Variants in DIAPH2 observed in about 807,000 individuals in gnomAD.
DIAPH2 encodes the protein protein diaphanous homolog 2.
In DIAPH2, 35 loss-of-function variants were observed where a neutral mutation model predicts 92.7. That is an observed-to-expected ratio of 0.38 (90% CI 0.29 to 0.50). The LOEUF (loss-of-function observed/expected upper bound fraction) is 0.50. DIAPH2 is among the 20% of genes least tolerant of loss of function. DIAPH2 has a pLI of 0.94. For synonymous variants in DIAPH2, 301 were observed against 280.4 expected, an observed-to-expected ratio of 1.07 and a Z score of -0.73; for missense variants, 701 against 819.5, an observed-to-expected ratio of 0.86 and a Z score of 1.77.
At chrX:96,944,185 TC>T (rs2065723911) in intron 13 of DIAPH2, among the ~76,000 whole-genome samples, 1 of 111,641 alleles carries the variant, frequency 9.0e-6, no homozygotes, top group African/African-American at 3.2e-5. Flanking sequence ...CTTTCATAAA[TC>T]AGATCGTATC....
intron 24 of DIAPH2, among the ~76,000 whole-genome samples, chrX:97,375,880 C>T (rs1301270934): frequency 9.0e-6 from 1 of 111,554 alleles, no homozygotes; most frequent in Non-Finnish European, 1.9e-5. Flanking sequence ...GGAAAAGTAT[C>T]AGAAAGCTTA....
At position 97,604,191 on chromosome X, in the gene DIAPH2, C is replaced by T. The variant is rs1422275723; in HGVS notation, c.*4874C>T. On this transcript the variant is annotated 3_prime_UTR_variant, in exon 27 of 27. Coordinates refer to ENST00000324765, the MANE Select transcript of DIAPH2 (RefSeq NM_006729.5). ...TTGGTTTGTGACTGCATCTCCCTCT[C>T]CTCTGTCTTCACATCACTTCCCCTC... The T allele has an allele frequency of 2.7e-5, 3 of 111,900 alleles. No individual in the cohort carries two copies. Among genetic ancestry groups the T allele is most frequent in the Non-Finnish European group, 3.8e-5 (2 of 53,117 alleles). The allele number at this position is 111,900 out of a possible 1,213,427, so 9.2% of individuals were successfully genotyped here. A position where few individuals can be genotyped will look rare whatever the true frequency, so the allele number is the denominator to read the frequency against.
At chrX:96,952,820 T>A (rs1241878741) in intron 15 of DIAPH2, among the ~76,000 whole-genome samples, 1 of 110,597 alleles carries the variant, frequency 9.0e-6, no homozygotes, top group Non-Finnish European at 1.9e-5. Flanking sequence ...AGTAGAACAT[T>A]TATATTAATA....
At chrX:97,481,890 A>G (rs891050021) in intron 26 of DIAPH2, among the ~76,000 whole-genome samples, 3 of 112,228 alleles carry the variant, frequency 2.7e-5, no homozygotes, top group African/African-American at 9.7e-5. Flanking sequence ...TGACTAAATG[A>G]AGACAATATA....
intron 19 of DIAPH2, among the ~76,000 whole-genome samples, chrX:97,086,327 T>C (rs2066782604): frequency 8.9e-6 from 1 of 111,738 alleles, no homozygotes; most frequent in Non-Finnish European, 1.9e-5. Context: ...ATACAGTATA[T>C]AGAACCTAAA....
chrX:97,022,641 A>T (rs939408167), intron 17 of DIAPH2, among the ~76,000 whole-genome samples: 1 of 112,393 alleles, frequency 8.9e-6, no homozygotes, highest in Non-Finnish European at 1.9e-5. Context: ...TGGAAAAAAA[A>T]ATTGTATACA....
chrX:97,367,858 A>G (rs985369678), intron 24 of DIAPH2, among the ~76,000 whole-genome samples: 9 of 110,862 alleles, frequency 8.1e-5, no homozygotes, highest in Non-Finnish European at 1.5e-4. Flanking sequence ...GCTCGCCACC[A>G]GGCCCAGCTA....
chrX:96,939,596 GTATATACACACACACACACA>G (rs1196049224), intron 12 of DIAPH2, among the ~76,000 whole-genome samples: 1 of 37,163 alleles, frequency 2.7e-5, no homozygotes, highest in Non-Finnish European at 7.2e-5. Context: ...GTGTGTGTGT[GTATATACACACACACACACA>G]TATACACACA....
chrX:97,597,817 G>A (rs1349297520), intron 26 of DIAPH2, among the ~76,000 whole-genome samples: 9 of 111,150 alleles, frequency 8.1e-5, no homozygotes, highest in Non-Finnish European at 1.7e-4. Context: ...ATTTTTTAAT[G>A]GTATCTTCAA....
chrX:96,962,290 TATATATATACATATATATATAC>T (rs1348989316), intron 16 of DIAPH2, among the ~76,000 whole-genome samples: 8 of 60,921 alleles, frequency 1.3e-4, no homozygotes, highest in African/African-American at 3.5e-4. Flanking sequence ...TATATACATA[TATATATATACATATATATATAC>T]ATATATATAT....
At chrX:96,972,966 A>C (rs1222639636) in intron 17 of DIAPH2, among the ~76,000 whole-genome samples, 1 of 111,485 alleles carries the variant, frequency 9.0e-6, no homozygotes, top group African/African-American at 3.3e-5. Flanking sequence ...ACAAAGTAGA[A>C]AAGTCATCTA....
intron 17 of DIAPH2, among the ~76,000 whole-genome samples, chrX:97,064,598 C>T (rs775940924): frequency 1.8e-5 from 2 of 110,670 alleles, no homozygotes; most frequent in Non-Finnish European, 3.8e-5. Context: ...GCACCTCCTG[C>T]AGCAATCACC....
intron 25 of DIAPH2, among the ~76,000 whole-genome samples, chrX:97,390,208 CTTTTTTTTTTT>C (rs142044871): frequency 1.5e-4 from 5 of 33,176 alleles, no homozygotes; most frequent in African/African-American, 2.5e-4. Flanking sequence ...TGCTTTCTGT[CTTTTTTTTTTT>C]TTTTTTTTTT....
intron 21 of DIAPH2, among the ~76,000 whole-genome samples, chrX:97,118,597 A>G (rs779782880): frequency 1.8e-5 from 2 of 112,169 alleles, no homozygotes; most frequent in South Asian, 7.6e-4. Context: ...AGAAACCTCA[A>G]GAAGCTTGTG....
rs1011295854 is a variant in DIAPH2 at position 97,189,966 on chromosome X, G to A, written c.2719+48172G>A. On this transcript the variant is annotated intron_variant, in intron 22 of 26. Transcript: ENST00000324765. ...GTTAAGTTGTATCCTACGTGCATGA[G>A]TGTTTTGGCTCAGGAGAAAAACTCT... Among the ~76,000 whole-genome samples, 3 of 113,233 alleles carry A rather than the reference G, an allele frequency of 2.6e-5. No individual in the cohort carries two copies. In the Admixed American group the frequency reaches 2.8e-4, roughly 10 times the overall value.
intron 23 of DIAPH2, among the ~76,000 whole-genome samples, chrX:97,268,064 A>T (rs2068352659): frequency 8.9e-6 from 1 of 112,191 alleles, no homozygotes; most frequent in Non-Finnish European, 1.9e-5. Flanking sequence ...AAAGTTAAGC[A>T]CTGTTGGGCC....
intron 23 of DIAPH2, among the ~76,000 whole-genome samples, chrX:97,270,467 T>C (rs2068377255): frequency 8.9e-6 from 1 of 111,980 alleles, no homozygotes; most frequent in South Asian, 3.7e-4. Context: ...AGACCTGAGT[T>C]TGAACCAAAT....
At chrX:96,781,047 T>A (rs2064414444) in intron 4 of DIAPH2, among the ~76,000 whole-genome samples, 1 of 108,911 alleles carries the variant, frequency 9.2e-6, no homozygotes, top group African/African-American at 3.4e-5. Context: ...CCTCAGGCGA[T>A]CTGCCTGCCT....
intron 4 of DIAPH2, among the ~76,000 whole-genome samples, chrX:96,822,779 T>G (rs1197719239): frequency 8.9e-6 from 1 of 112,498 alleles, no homozygotes; most frequent in Non-Finnish European, 1.9e-5. Flanking sequence ...AAGAACATAG[T>G]ATATACTATT....
Sources: allele counts gnomAD v4.1 joint callset (sites outside exome capture counted in the v4.1 genomes callset), GRCh38; gene constraint gnomAD v4.1.1; transcripts MANE v1.5; gene names NCBI Gene and HGNC (gene_info 2026-07-23, HGNC 2026-07-21).